CFAP43: variants seen among roughly 807,000 people sequenced by gnomAD.
CFAP43 encodes the protein cilia- and flagella-associated protein 43.
In CFAP43, 155 loss-of-function variants were observed where a neutral mutation model predicts 218.9. The observed-to-expected ratio is 0.71, with a 90% CI of 0.62 to 0.81. The LOEUF is 0.81. CFAP43 is among the 30% of genes least tolerant of loss of function. The pLI is 0.00. For missense variants in CFAP43, 1,778 were observed against 1,954.3 expected, an observed-to-expected ratio of 0.91 and a Z score of 1.70; for synonymous variants, 645 against 681.3, an observed-to-expected ratio of 0.95 and a Z score of 0.83.
chr10:104,167,035 T>G (rs2089190443), intron 22 of CFAP43, among the ~76,000 whole-genome samples: 1 of 152,220 alleles, frequency 6.6e-6, no homozygotes, highest in Non-Finnish European at 1.5e-5. Context: ...AAGAAATATA[T>G]ATTCTCTTTA....
At position 104,133,620 on chromosome 10, in the gene CFAP43, C is replaced by T. The variant is rs780882131; in HGVS notation, c.4596G>A (p.Lys1532=). 1 of 1,609,076 alleles carries T rather than the reference C, an allele frequency of 6.2e-7. No individual in the cohort carries two copies. The highest frequency in any genetic ancestry group is 8.5e-7 in the Non-Finnish European group (1 of 1,178,090). The change falls in exon 35 of 38, where the codon AAG becomes AAA. Residue 1532 remains lysine, a splice_region_variant and synonymous_variant. Transcript: ENST00000357060. The part of the protein sequence containing the change: ...QMLFFSRDRQ[K]YLNEPNYEAL... Reference sequence around the variant, plus strand: ...ATGTAGGGGGGTAGGGAGAATTTACCTTTTGACGATCTCTTGAAAAAAATA... The same window carrying T: ...ATGTAGGGGGGTAGGGAGAATTTACTTTTTGACGATCTCTTGAAAAAAATA...
intron 7 of CFAP43, among the ~76,000 whole-genome samples, chr10:104,205,198 GCGA>G (rs1289913458): frequency 7.7e-6 from 1 of 129,308 alleles, no homozygotes; most frequent in African/African-American, 3.1e-5. Context: ...GGGAGACAGA[GCGA>G]GACTCCGTCT....
Position 104,212,055 on chromosome 10 carries a change from T to C in CFAP43, c.687A>G (p.Pro229=), listed in dbSNP as rs1356994363. The C allele has an allele frequency of 4.3e-6, 7 of 1,613,416 alleles. No individual in the cohort carries two copies. The highest frequency in any genetic ancestry group is 3.3e-5 in the Admixed American group (2 of 59,946). The change falls in exon 5 of 38, where the codon CCA becomes CCG. Residue 229 remains proline (P), a synonymous_variant. Transcript: ENST00000357060. ...CTACCAGCCCGGCAATGGCTGACAG[T>C]GGCAGCACGGGACCATAGATGAGAT... is the stretch of plus-strand genomic sequence containing the variant. The part of the protein sequence containing the change: ...PKDLIYGPVL[P]LSAIAGLVGK...
At chr10:104,198,178 T>C in intron 8 of CFAP43, 140 bp from the exon 9 acceptor site, 1 of 508,106 alleles carries the variant, frequency 2.0e-6, no homozygotes, top group Non-Finnish European at 3.5e-6. Context: ...CAGTAAGACC[T>C]TGACCCTGAA....
chr10:104,133,402 T>G (rs2087287746), intron 35 of CFAP43: 1 of 409,158 alleles, frequency 2.4e-6, no homozygotes, highest in East Asian at 4.0e-5. Context: ...CAGGAAATCC[T>G]TAGCTCTGAG....
At chr10:104,198,464 A>G (rs2134933477) in intron 8 of CFAP43, among the ~76,000 whole-genome samples, 1 of 150,388 alleles carries the variant, frequency 6.6e-6, no homozygotes, top group East Asian at 2.0e-4. Context: ...TATTCTTACT[A>G]GAGACAGGGT....
In CFAP43 at chr10:104,131,350, T is replaced by C; in HGVS notation, c.4812A>G (p.Lys1604=). The part of the protein sequence containing the change: ...REELVAVSER[K]DICNAMGSKL... ...GCTTACCCATTGCATTACAGATGTCTTTTCTCTCTGAGACAGCTACCAACT... is the reference window on the plus strand; with the variant it reads ...GCTTACCCATTGCATTACAGATGTCCTTTCTCTCTGAGACAGCTACCAACT... Residue 1604 remains lysine (K), a synonymous_variant, in exon 37 of 38, where the codon AAA becomes AAG. Coordinates refer to ENST00000357060, the MANE Select transcript of CFAP43 (RefSeq NM_025145.7). 1.2e-6 allele frequency: 2 copies of C among 1,611,502 alleles called. No homozygotes were observed. Among genetic ancestry groups the C allele is most frequent in the Non-Finnish European group, 1.7e-6 (2 of 1,179,466 alleles).
chr10:104,167,980 G>A (rs1564747530), intron 21 of CFAP43, among the ~76,000 whole-genome samples: 1 of 152,146 alleles, frequency 6.6e-6, no homozygotes, highest in Non-Finnish European at 1.5e-5. Context: ...TTCTCAACTA[G>A]GAGCAATTTT....
At chr10:104,210,063 T>C in intron 5 of CFAP43, among the ~76,000 whole-genome samples, 1 of 152,228 alleles carries the variant, frequency 6.6e-6, no homozygotes. Context: ...AATGTAAATG[T>C]TTTATAAATA....
chr10:104,221,115 A>G (rs1393174360), intron 3 of CFAP43, among the ~76,000 whole-genome samples: 1 of 152,156 alleles, frequency 6.6e-6, no homozygotes, highest in African/African-American at 2.4e-5. Context: ...AGCTGGGATT[A>G]CAGGCACCCA....
rs752101736 is a variant in CFAP43, at chr10:104,168,793, A to G, written c.2642T>C (p.Ile881Thr). 5 of 1,614,104 alleles carry G rather than the reference A, an allele frequency of 3.1e-6. No individual in the cohort carries two copies. In the South Asian group the frequency reaches 4.4e-5, roughly 14 times the overall value. ...CATCGAATTCCAACATTCTTCTTTG[A>G]TAAGTTCAGCCAAATAGCTCTTGGC... Reference protein sequence around the residue: ...NLAKSYLAELIKEECWNSMAV... With the variant: ...NLAKSYLAELTKEECWNSMAV... The change falls in exon 21 of 38, where the codon ATC becomes ACC. Residue 881 changes from isoleucine to threonine, a missense_variant. Physicochemically the swap from Ile to Thr is moderately conservative, Grantham distance 89. This residue lies in a region of CFAP43 where 1,553 missense variants were observed against 1,685.2 expected (regional missense o/e 0.92). Transcript: ENST00000357060.
intron 15 of CFAP43, among the ~76,000 whole-genome samples, chr10:104,185,550 A>C (rs1283488583): frequency 6.7e-6 from 1 of 149,858 alleles, no homozygotes; most frequent in Non-Finnish European, 1.5e-5. Flanking sequence ...GAGTATAATG[A>C]GAGAGGGTGA....
chr10:104,199,046 G>A (rs2090458107), intron 8 of CFAP43, among the ~76,000 whole-genome samples: 1 of 152,136 alleles, frequency 6.6e-6, no homozygotes, highest in African/African-American at 2.4e-5. Flanking sequence ...TGGAAAATGT[G>A]TAAAACCCAA....
intron 4 of CFAP43, among the ~76,000 whole-genome samples, chr10:104,212,623 T>G (rs1368042444): frequency 1.3e-5 from 2 of 152,218 alleles, no homozygotes; most frequent in Non-Finnish European, 2.9e-5. Context: ...GGCAACTAAT[T>G]CAAATGAAAA....
At chr10:104,138,666 G>A (rs1362583156) in intron 34 of CFAP43, among the ~76,000 whole-genome samples, 9 of 148,344 alleles carry the variant, frequency 6.1e-5, no homozygotes, top group Non-Finnish European at 1.2e-4. Flanking sequence ...TAAGAGCAAA[G>A]CTCAGTCTAA....
chr10:104,195,395 T>C (rs1405559979), intron 10 of CFAP43, among the ~76,000 whole-genome samples: 2 of 152,170 alleles, frequency 1.3e-5, no homozygotes, highest in East Asian at 3.9e-4. Flanking sequence ...ACTTGTAAGA[T>C]CTCTCCTAGT....
chr10:104,143,456 T>C lies in CFAP43; in HGVS notation c.4128A>G (p.Thr1376=). The C allele has an allele frequency of 6.2e-7, 1 of 1,614,184 alleles. No homozygotes were observed. Among genetic ancestry groups the C allele is most frequent in the Middle Eastern group, 1.7e-4 (1 of 6,060 alleles). ...DPLVWNHFCM[T]RRAKVENEQK... is the part of the protein sequence containing the mutation. ...GTTCATTTTCCACTTTTGCTCGTCT[T>C]GTCATGCAGAAATGATTCCAGACCA... The change falls in exon 32 of 38, where the codon ACA becomes ACG. Residue 1376 remains threonine, a synonymous_variant. Transcript: ENST00000357060.
At chr10:104,163,250 A>AC (rs2088970826) in intron 24 of CFAP43, among the ~76,000 whole-genome samples, 1 of 152,168 alleles carries the variant, frequency 6.6e-6, no homozygotes, top group Non-Finnish European at 1.5e-5. Flanking sequence ...GTAAAATGGA[A>AC]CTAATATCAG....
chr10:104,179,029 AG>A lies in CFAP43; in HGVS notation c.2459del (p.Thr820IlefsTer3). On this transcript the variant is annotated frameshift_variant and splice_region_variant, in exon 19 of 38. Coordinates refer to ENST00000357060, the MANE Select transcript of CFAP43 (RefSeq NM_025145.7). LOFTEE classifies it high-confidence loss of function. ...TAGAATATGAAATTACAACACTTAC[AG>A]TTTTGGAAAGTGATTTGATTCCTTG... ...IKQGIKSLSK[T>X]ILNMMEENDK... is the part of the protein sequence containing the mutation. 4 of 1,608,844 alleles carry A rather than the reference AG, an allele frequency of 2.5e-6. No individual in the cohort carries two copies. The highest frequency in any genetic ancestry group is 3.4e-6 in the Non-Finnish European group (4 of 1,176,038).
Sources: allele counts gnomAD v4.1 joint callset (sites outside exome capture counted in the v4.1 genomes callset), GRCh38; gene constraint gnomAD v4.1.1; regional missense constraint gnomAD v4.1.1; transcripts MANE v1.5; gene names NCBI Gene and HGNC (gene_info 2026-07-23, HGNC 2026-07-21).